The following TSPAN3 variants were observed in gnomAD, a reference collection of about 807,000 sequenced individuals.
TSPAN3 encodes the protein tetraspanin 3, also known as tetraspanin-3.
TSPAN3 carries 9 observed loss-of-function variants against 31.1 expected under a neutral mutation model. The ratio of observed to expected loss-of-function variants is 0.29; its 90% confidence interval spans 0.17 to 0.50. The LOEUF is 0.50. TSPAN3 is among the 20% of genes least tolerant of loss of function. The probability of loss-of-function intolerance (pLI) is 0.98; values close to 1 mark genes in which losing one functional copy is unlikely to be tolerated. For synonymous variants in TSPAN3, 129 were observed against 114.3 expected, an observed-to-expected ratio of 1.13 and a Z score of -0.82; for missense variants, 252 against 313.5, an observed-to-expected ratio of 0.80 and a Z score of 1.48.
At chr15:77,062,649 A>G (rs190235287) in intron 1 of TSPAN3, among the ~76,000 whole-genome samples, 2 of 152,222 alleles carry the variant, frequency 1.3e-5, no homozygotes, top group Non-Finnish European at 2.9e-5. Flanking sequence ...CTGGCAATAC[A>G]TATCTGCCTC....
intron 2 of TSPAN3, 52 bp downstream of exon 2, chr15:77,056,012 A>T: frequency 1.9e-6 from 3 of 1,543,592 alleles, no homozygotes; most frequent in Non-Finnish European, 2.6e-6. Context: ...CTCATGTTCA[A>T]GGAGAGTAGC....
intron 1 of TSPAN3, among the ~76,000 whole-genome samples, chr15:77,065,838 C>T (rs2076829602): frequency 6.6e-6 from 1 of 152,198 alleles, no homozygotes; most frequent in African/African-American, 2.4e-5. Flanking sequence ...AAAGCTATTT[C>T]TAAAGGCATT....
In TSPAN3 at chr15:77,051,218, G is replaced by GC. The variant is rs1481233857; in HGVS notation, c.669+1166_669+1167insG. Among the ~76,000 whole-genome samples the GC allele has an allele frequency of 3.9e-5, 6 of 152,050 alleles. No individual in the cohort carries two copies. In the East Asian group the frequency reaches 9.7e-4, roughly 25 times the overall value. On this transcript the variant is annotated intron_variant, in intron 6 of 6. Coordinates refer to ENST00000267970, the MANE Select transcript of TSPAN3 (RefSeq NM_005724.6). ...CTGGCTCTTTTAGCTCTTGAAATAGGTTTCAGGCTTAAGAAAGCATAAGCT... is the reference window on the plus strand; with the variant it reads ...CTGGCTCTTTTAGCTCTTGAAATAGGCTTTCAGGCTTAAGAAAGCATAAGCT...
At position 77,045,492 on chromosome 15, in the gene TSPAN3, C is replaced by G. The variant is rs574720978; in HGVS notation, c.*1343G>C. On this transcript the variant is annotated 3_prime_UTR_variant, in exon 7 of 7. Coordinates refer to ENST00000267970, the MANE Select transcript of TSPAN3 (RefSeq NM_005724.6). Reference sequence around the variant, plus strand: ...GCTTCCACCTACAAGTCAGCTCTCACCTCCACAGGATGTTCCGTAAGACAC... The same window carrying G: ...GCTTCCACCTACAAGTCAGCTCTCAGCTCCACAGGATGTTCCGTAAGACAC... 6.6e-6 allele frequency: 1 copy of G among 152,414 alleles called. No individual in the cohort carries two copies. The highest frequency in any genetic ancestry group is 2.4e-5 in the African/African-American group (1 of 41,578). 9.4% of individuals were successfully genotyped at this position (152,414 alleles called of 1,614,324 possible).
At chr15:77,050,940 T>C (rs1019111705) in intron 6 of TSPAN3, among the ~76,000 whole-genome samples, 1 of 152,146 alleles carries the variant, frequency 6.6e-6, no homozygotes, top group Non-Finnish European at 1.5e-5. Context: ...TAAAAGGCCT[T>C]TCCCATTAAA....
At chr15:77,066,212 A>C (rs1026168211) in intron 1 of TSPAN3, among the ~76,000 whole-genome samples, 1 of 152,212 alleles carries the variant, frequency 6.6e-6, no homozygotes, top group Non-Finnish European at 1.5e-5. Flanking sequence ...TGACTTACCA[A>C]ACTAAAAATC....
rs1568535866 is a variant in TSPAN3 at position 77,044,352 on chromosome 15, C to CG, written c.*2482dup. 1 of 152,272 alleles carries CG rather than the reference C, an allele frequency of 6.6e-6. No individual in the cohort carries two copies. Among genetic ancestry groups the CG allele is most frequent in the Admixed American group, 6.5e-5 (1 of 15,288 alleles). 9.4% of individuals were successfully genotyped at this position (152,272 alleles called of 1,614,324 possible). A position where few individuals can be genotyped will look rare whatever the true frequency, so the allele number is the denominator to read the frequency against. Reference sequence around the variant, plus strand: ...ATGCCAACACCTAGCCTCAGCTACACGGGGGAAGGGCAGAAACAAGATGTT... The same window carrying CG: ...ATGCCAACACCTAGCCTCAGCTACACGGGGGGAAGGGCAGAAACAAGATGTT... On this transcript the variant is annotated 3_prime_UTR_variant, in exon 7 of 7. Transcript: ENST00000267970.
At chr15:77,054,315 A>C (rs747519464) in intron 3 of TSPAN3, 36 bp from the exon 4 acceptor site, 16 of 1,437,706 alleles carry the variant, frequency 1.1e-5, no homozygotes, top group Non-Finnish European at 1.6e-5. Flanking sequence ...CCTCAAAAAT[A>C]CTAGTAAAAG....
intron 6 of TSPAN3, among the ~76,000 whole-genome samples, chr15:77,050,555 T>TA (rs2076723736): frequency 6.6e-6 from 1 of 152,226 alleles, no homozygotes; most frequent in Non-Finnish European, 1.5e-5. Context: ...GTGATTATTT[T>TA]TATCAGTCTT....
At chr15:77,058,187 C>G (rs945632671) in intron 1 of TSPAN3, among the ~76,000 whole-genome samples, 3 of 152,156 alleles carry the variant, frequency 2.0e-5, no homozygotes, top group Non-Finnish European at 4.4e-5. Flanking sequence ...ATTCTTTATA[C>G]TACCAGGGTT....
chr15:77,057,529 G>A (rs1370158577), intron 1 of TSPAN3, among the ~76,000 whole-genome samples: 1 of 152,086 alleles, frequency 6.6e-6, no homozygotes, highest in Non-Finnish European at 1.5e-5. Flanking sequence ...TGTAAATTTG[G>A]GAAAGTAATT....
At position 77,070,999 on chromosome 15, in the gene TSPAN3, G is replaced by A. The variant is rs1198664952; in HGVS notation, c.-45C>T. The A allele has an allele frequency of 3.0e-6, 4 of 1,347,344 alleles. No individual in the cohort carries two copies. Among genetic ancestry groups the A allele is most frequent in the Non-Finnish European group, 3.9e-6 (4 of 1,036,922 alleles). 83.5% of individuals were successfully genotyped at this position (1,347,344 alleles called of 1,614,324 possible). On this transcript the variant is annotated 5_prime_UTR_variant, in exon 1 of 7. Transcript: ENST00000267970. ...GGCCCGGCCCGGAGAGCGGGGCTGC[G>A]CTCACCGAGAGAGCGGCAATGGCGG...
At chr15:77,058,851 G>A (rs1400922001) in intron 1 of TSPAN3, among the ~76,000 whole-genome samples, 1 of 152,022 alleles carries the variant, frequency 6.6e-6, no homozygotes, top group Non-Finnish European at 1.5e-5. Flanking sequence ...TCAATTATTT[G>A]GCAACTGAAT....
chr15:77,049,303 A>G (rs1194887537), intron 6 of TSPAN3, among the ~76,000 whole-genome samples: 1 of 152,156 alleles, frequency 6.6e-6, no homozygotes, highest in Non-Finnish European at 1.5e-5. Flanking sequence ...GAGACCAGAA[A>G]AAAAGCAACA....
At chr15:77,052,618 T>C in intron 5 of TSPAN3, 150 bp from the exon 6 acceptor site, 1 of 1,097,472 alleles carries the variant, frequency 9.1e-7, no homozygotes, top group Non-Finnish European at 1.3e-6. Flanking sequence ...TACAGACATG[T>C]AATTAAAACA....
intron 6 of TSPAN3, among the ~76,000 whole-genome samples, chr15:77,052,088 G>A (rs565519005): frequency 2.8e-4 from 42 of 152,300 alleles, no homozygotes; most frequent in African/African-American, 9.4e-4. Context: ...AATACACTAA[G>A]ACAACAGTTC....
chr15:77,054,242 T>A lies in TSPAN3; in HGVS notation c.368A>T (p.Tyr123Phe), dbSNP rs375258110. ...NEVDRSIQKV[Y>F]KTYNGTNPDA... ...AGGGTTGGTTCCATTGTAGGTCTTATACACTTTCTGAATGCTGCGATCAAC... is the reference window on the plus strand; with the variant it reads ...AGGGTTGGTTCCATTGTAGGTCTTAAACACTTTCTGAATGCTGCGATCAAC... The change falls in exon 4 of 7, where the codon TAT becomes TTT. Residue 123 changes from tyrosine (Y) to phenylalanine (F), a missense_variant. Transcript: ENST00000267970. The A allele has an allele frequency of 1.2e-6, 2 of 1,613,802 alleles. No homozygotes were observed. The highest frequency in any genetic ancestry group is 1.7e-6 in the Non-Finnish European group (2 of 1,179,874).
chr15:77,049,464 G>A (rs1245916892), intron 6 of TSPAN3, among the ~76,000 whole-genome samples: 1 of 152,170 alleles, frequency 6.6e-6, no homozygotes, highest in East Asian at 1.9e-4. Flanking sequence ...CAGATACTCA[G>A]GAGCTTGACA....
chr15:77,049,835 C>CAGAT (rs1327808244), intron 6 of TSPAN3, among the ~76,000 whole-genome samples: 2 of 152,150 alleles, frequency 1.3e-5, no homozygotes, highest in African/African-American at 4.8e-5. Context: ...TCAACTCTGC[C>CAGAT]ATCTTACCTC....
Sources: allele counts gnomAD v4.1 joint callset (sites outside exome capture counted in the v4.1 genomes callset), GRCh38; gene constraint gnomAD v4.1.1; transcripts MANE v1.5; gene names NCBI Gene and HGNC (gene_info 2026-07-23, HGNC 2026-07-21).